GRM8: variants seen among roughly 807,000 people sequenced by gnomAD.
GRM8 encodes glutamate metabotropic receptor 8.
A neutral mutation model predicts 87.2 loss-of-function variants in GRM8; 47 were observed. The observed-to-expected ratio is 0.54, with a 90% CI of 0.43 to 0.69. The LOEUF (loss-of-function observed/expected upper bound fraction) is 0.69, where lower values mean the gene tolerates loss of function less well. Ranked by LOEUF, GRM8 falls within the 30% of genes least tolerant of loss-of-function variation. GRM8 has a pLI of 0.00. For missense variants in GRM8, 1,019 were observed against 1,139.2 expected, an observed-to-expected ratio of 0.89 and a Z score of 1.52; for synonymous variants, 396 against 404.5, an observed-to-expected ratio of 0.98 and a Z score of 0.25.
chr7:127,149,648 C>T (rs929286669), intron 2 of GRM8, among the ~76,000 whole-genome samples: 37 of 152,194 alleles, frequency 2.4e-4, no homozygotes, highest in African/African-American at 8.9e-4. Flanking sequence ...ACAGCCAAGA[C>T]AGGGAAACAA....
intron 6 of GRM8, among the ~76,000 whole-genome samples, chr7:126,880,825 A>C (rs1799955609): frequency 6.6e-6 from 1 of 152,174 alleles, no homozygotes; most frequent in African/African-American, 2.4e-5. Context: ...TGTTCCTACA[A>C]ATGGTTGCTA....
At chr7:126,525,627 G>A (rs919622649) in intron 9 of GRM8, among the ~76,000 whole-genome samples, 1 of 152,182 alleles carries the variant, frequency 6.6e-6, no homozygotes, top group African/African-American at 2.4e-5. Flanking sequence ...ATCTTGGGTT[G>A]TGCTTCCCTT....
At chr7:126,701,617 CT>C in intron 7 of GRM8, 1 of 363,874 alleles carries the variant, frequency 2.7e-6, no homozygotes. Context: ...TAGAACCCTG[CT>C]TTTGATTTTT....
At chr7:127,205,136 T>C (rs1309306667) in intron 2 of GRM8, among the ~76,000 whole-genome samples, 1 of 152,212 alleles carries the variant, frequency 6.6e-6, no homozygotes, top group African/African-American at 2.4e-5. Context: ...ACTCTTGCCT[T>C]AGTTTCTTTT....
chr7:126,860,623 A>C (rs1798062271), intron 6 of GRM8, among the ~76,000 whole-genome samples: 1 of 152,160 alleles, frequency 6.6e-6, no homozygotes, highest in South Asian at 2.1e-4. Context: ...CTCATTAAAA[A>C]TGTGCTAATA....
intron 7 of GRM8, among the ~76,000 whole-genome samples, chr7:126,738,711 TG>T (rs1814542034): frequency 9.0e-6 from 1 of 110,968 alleles, no homozygotes; most frequent in Non-Finnish European, 1.8e-5. Context: ...AGTGGGGGGT[TG>T]GGGGATGCAG....
chr7:126,612,589 G>C (rs915114533), intron 7 of GRM8, among the ~76,000 whole-genome samples: 1 of 152,136 alleles, frequency 6.6e-6, no homozygotes, highest in Admixed American at 6.5e-5. Context: ...TTCTGTACCT[G>C]ACCAAACATT....
intron 3 of GRM8, among the ~76,000 whole-genome samples, chr7:126,959,201 T>C (rs1809055155): frequency 6.6e-6 from 1 of 152,198 alleles, no homozygotes; most frequent in African/African-American, 2.4e-5. Context: ...GTAGAACCTA[T>C]AATTGAAAGA....
At chr7:127,034,526 CT>C (rs1399142408) in intron 3 of GRM8, among the ~76,000 whole-genome samples, 7 of 152,202 alleles carry the variant, frequency 4.6e-5, no homozygotes, top group Non-Finnish European at 8.8e-5. Flanking sequence ...CTTATTCCCC[CT>C]GTTCCTTCCC....
At chr7:126,606,133 A>G (rs115877780) in intron 8 of GRM8, among the ~76,000 whole-genome samples, 53 of 152,324 alleles carry the variant, frequency 3.5e-4, no homozygotes, top group African/African-American at 7.2e-4. Context: ...GGGATTTTCC[A>G]AGTATTAAGG....
chr7:126,672,906 T>TC (rs1462899723), intron 7 of GRM8, among the ~76,000 whole-genome samples: 27 of 152,158 alleles, frequency 1.8e-4, no homozygotes, highest in African/African-American at 5.8e-4. Context: ...GCCTGCTGTT[T>TC]CCCCAAAACA....
Position 126,575,347 on chromosome 7 carries a change from T to G in GRM8, c.1494+34015A>C, listed in dbSNP as rs151011680. Among the ~76,000 whole-genome samples, 664 of 151,682 alleles carry G rather than the reference T, an allele frequency of 4.4e-3. 7 individuals carry two copies. The highest frequency in any genetic ancestry group is 0.015 in the African/African-American group (633 of 41,310). ...ATGGAACTCTGTAGTTGCAGGAAAA[T>G]AAGCTCAGGGCTCCCACTGATTCTA... On this transcript the variant is annotated intron_variant, in intron 8 of 10. Transcript: ENST00000339582.
intron 3 of GRM8, among the ~76,000 whole-genome samples, chr7:126,915,734 G>A (rs541255161): frequency 1.6e-4 from 24 of 152,226 alleles, no homozygotes; most frequent in African/African-American, 5.3e-4. Flanking sequence ...AAATGGTGGC[G>A]GGGGAGAATG....
At chr7:126,739,526 C>T (rs540221271) in intron 7 of GRM8, among the ~76,000 whole-genome samples, 26 of 152,154 alleles carry the variant, frequency 1.7e-4, no homozygotes, top group African/African-American at 4.3e-4. Flanking sequence ...CACGGTGTTA[C>T]GTTTAGTTAC....
At chr7:126,507,147 T>C (rs1171659780) in intron 9 of GRM8, among the ~76,000 whole-genome samples, 1 of 151,910 alleles carries the variant, frequency 6.6e-6, no homozygotes, top group African/African-American at 2.4e-5. Context: ...AATGAAGCCT[T>C]CCAAATCACC....
chr7:126,782,221 C>A (rs569429695), intron 6 of GRM8, among the ~76,000 whole-genome samples: 1 of 152,190 alleles, frequency 6.6e-6, no homozygotes, highest in African/African-American at 2.4e-5. Context: ...TATTATTAAT[C>A]TGGAGTGAAG....
intron 8 of GRM8, among the ~76,000 whole-genome samples, chr7:126,601,349 G>T (rs1350426222): frequency 6.6e-6 from 1 of 152,066 alleles, no homozygotes; most frequent in Non-Finnish European, 1.5e-5. Flanking sequence ...CATTTGGGTT[G>T]GTTCCAAGTC....
intron 3 of GRM8, among the ~76,000 whole-genome samples, chr7:126,919,754 C>G (rs1188546551): frequency 1.3e-5 from 2 of 152,110 alleles, no homozygotes; most frequent in African/African-American, 4.8e-5. Context: ...CTTTCCCTTT[C>G]TCTCCCTTCC....
chr7:127,031,911 G>A (rs530049372), intron 3 of GRM8, among the ~76,000 whole-genome samples: 1 of 152,084 alleles, frequency 6.6e-6, no homozygotes, highest in African/African-American at 2.4e-5. Context: ...CTGTGTCTGG[G>A]GCAGTGACAG....
Sources: gnomAD v4.1 joint callset for allele counts (sites outside exome capture counted in the v4.1 genomes callset) on GRCh38, gnomAD v4.1.1 for gene constraint, MANE v1.5 for transcripts, NCBI Gene and HGNC (gene_info 2026-07-23, HGNC 2026-07-21) for gene names.